KLF11: variants seen among roughly 807,000 people sequenced by gnomAD.
KLF11 encodes the protein Krueppel-like factor 11.
In KLF11, 26 loss-of-function variants were observed where a neutral mutation model predicts 29.9. That is an observed-to-expected ratio of 0.87 (90% CI 0.64 to 1.21). The LOEUF is 1.21. Among genes scored for constraint, KLF11 ranks in the 50% most tolerant of loss-of-function variants. The pLI, the probability that KLF11 is intolerant of heterozygous loss-of-function variation, is 0.00. For missense variants in KLF11, 778 were observed against 665.7 expected (o/e 1.17, Z -1.86); for synonymous variants, 318 against 257.4 (o/e 1.24, Z -2.25).
intron 1 of KLF11, among the ~76,000 whole-genome samples, chr2:10,044,900 C>G (rs1340664581): frequency 6.6e-6 from 1 of 152,176 alleles, no homozygotes; most frequent in African/African-American, 2.4e-5. Context: ...AATCCCAGCA[C>G]TCTGGGAGAC....
chr2:10,052,620 G>A lies in KLF11; in HGVS notation c.*113G>A, dbSNP rs2125283405. Reference sequence around the variant, plus strand: ...CAAAAAAAACGGTCTTGGCGGCCTAGGGGAAGATCGGGGAGCTGGTTTTGA... The same window carrying A: ...CAAAAAAAACGGTCTTGGCGGCCTAAGGGAAGATCGGGGAGCTGGTTTTGA... On this transcript the variant is annotated 3_prime_UTR_variant, in exon 4 of 4. Transcript: ENST00000305883. 9.8e-7 allele frequency: 1 copy of A among 1,015,316 alleles called. No homozygotes were observed. 62.9% of individuals were successfully genotyped at this position (1,015,316 alleles called of 1,614,324 possible).
Position 10,050,892 on chromosome 2 carries a change from CTTTTTTTTTT to C in KLF11, c.1259-1317_1259-1308del, listed in dbSNP as rs386389509. On this transcript the variant is annotated intron_variant, in intron 3 of 3. Coordinates refer to ENST00000305883, the MANE Select transcript of KLF11 (RefSeq NM_003597.5). ...GTAAGGTAGAGTGAATAGATGCTAC[CTTTTTTTTTT>C]TTTTTTTTTTTTTTTTTGAGATGGA... is the stretch of plus-strand genomic sequence containing the variant. Among the ~76,000 whole-genome samples, 47 of 54,826 alleles carry C rather than the reference CTTTTTTTTTT, an allele frequency of 8.6e-4. 1 individual carries two copies. In the East Asian group the frequency reaches 0.012, roughly 14 times the overall value. 36.0% of individuals were successfully genotyped at this position (54,826 alleles called of 152,430 possible).
intron 3 of KLF11, among the ~76,000 whole-genome samples, chr2:10,049,383 C>T (rs1478741435): frequency 6.6e-6 from 1 of 152,266 alleles, no homozygotes; most frequent in Admixed American, 6.5e-5. Context: ...CACCATTTCT[C>T]AGGTGTTCTG....
intron 1 of KLF11, chr2:10,044,149 A>G: frequency 6.8e-6 from 1 of 147,934 alleles, no homozygotes; most frequent in Non-Finnish European, 8.1e-6. Flanking sequence ...GCTGGCGGGA[A>G]CGCGGCACGG....
At position 10,049,778 on chromosome 2, in the gene KLF11, A is replaced by G. The variant is rs149835654; in HGVS notation, c.1258+1183A>G. The stretch of plus-strand genomic sequence containing the variant: ...TTAGTTAGTTGTATATCTCACCTGG[A>G]TATATTCCTGGTGCTTGATAAAAGG... On this transcript the variant is annotated intron_variant, in intron 3 of 3. Coordinates refer to ENST00000305883, the MANE Select transcript of KLF11 (RefSeq NM_003597.5). 7.6e-3 allele frequency among the ~76,000 whole-genome samples: 1,151 copies of G among 152,166 alleles called. 13 individuals carry two copies. Among genetic ancestry groups the G allele is most frequent in the African/African-American group, 0.027 (1,106 of 41,504 alleles).
chr2:10,050,838 C>T (rs58843655), intron 3 of KLF11, among the ~76,000 whole-genome samples: 1 of 147,896 alleles, frequency 6.8e-6, no homozygotes, highest in African/African-American at 2.5e-5. Context: ...ATATATATTT[C>T]TGCCAACCTG....
Position 10,048,172 on chromosome 2 carries a change from T to C in KLF11, c.835T>C (p.Ser279Pro), listed in dbSNP as rs1333165835. The change falls in exon 3 of 4, where the codon TCT becomes CCT. Residue 279 changes from serine to proline, a missense_variant. Coordinates refer to ENST00000305883, the MANE Select transcript of KLF11 (RefSeq NM_003597.5). The stretch of plus-strand genomic sequence containing the variant: ...GAAAACCACCCCTCTGATTTCTGTC[T>C]CTGTCCCTGCTCCCCCTGTCCTTTG... The part of the protein sequence containing the change: ...PRKTTPLISV[S>P]VPAPPVLCQM... The C allele has an allele frequency of 6.2e-7, 1 of 1,614,212 alleles. No homozygotes were observed. Among genetic ancestry groups the C allele is most frequent in the South Asian group, 1.1e-5 (1 of 91,084 alleles).
At chr2:10,044,657 T>TC in intron 1 of KLF11, among the ~76,000 whole-genome samples, 1 of 151,226 alleles carries the variant, frequency 6.6e-6, no homozygotes, top group South Asian at 2.1e-4. Flanking sequence ...TCCTTTTTTT[T>TC]TTTTTTGATA....
At chr2:10,051,097 A>G (rs1452791113) in intron 3 of KLF11, among the ~76,000 whole-genome samples, 1 of 150,800 alleles carries the variant, frequency 6.6e-6, no homozygotes, top group African/African-American at 2.4e-5. Context: ...TTTAGTAGAT[A>G]CGGGGTTTCA....
At chr2:10,051,321 G>A (rs1394565994) in intron 3 of KLF11, among the ~76,000 whole-genome samples, 1 of 152,064 alleles carries the variant, frequency 6.6e-6, no homozygotes, top group Non-Finnish European at 1.5e-5. Flanking sequence ...CGATTGTCCT[G>A]CCTCAGTCTC....
chr2:10,044,032 C>A (rs1661092102), intron 1 of KLF11: 1 of 717,808 alleles, frequency 1.4e-6, no homozygotes, highest in African/African-American at 1.9e-5. Flanking sequence ...GGCCCCGCGG[C>A]TATTTCCAGC....
At chr2:10,045,136 A>G (rs564580955) in intron 1 of KLF11, among the ~76,000 whole-genome samples, 4 of 141,180 alleles carry the variant, frequency 2.8e-5, no homozygotes, top group Non-Finnish European at 4.7e-5. Context: ...ACAGAGCAAG[A>G]CTCTGTCTCA....
chr2:10,051,750 T>C (rs1385325199), intron 3 of KLF11, among the ~76,000 whole-genome samples: 10 of 138,790 alleles, frequency 7.2e-5, no homozygotes, highest in South Asian at 4.6e-4. Context: ...GTCTTCTGAC[T>C]TTGTGATCCG....
rs1661094369 is a variant in KLF11 at position 10,044,062 on chromosome 2, T to G, written c.42+304T>G. On this transcript the variant is annotated intron_variant, in intron 1 of 3. Coordinates refer to ENST00000305883, the MANE Select transcript of KLF11 (RefSeq NM_003597.5). ...TCCAGCCATGACGTCACCCCGGTCCTGTGAGCCGGACGGCCGTTGGGCGGG... is the reference window on the plus strand; with the variant it reads ...TCCAGCCATGACGTCACCCCGGTCCGGTGAGCCGGACGGCCGTTGGGCGGG... The G allele has an allele frequency of 8.6e-6, 6 of 700,154 alleles. No individual in the cohort carries two copies. The South Asian group carries it at 2.5e-4, about 29-fold the overall frequency. 43.4% of individuals were successfully genotyped at this position (700,154 alleles called of 1,614,324 possible). A position where few individuals can be genotyped will look rare whatever the true frequency, so the allele number is the denominator to read the frequency against.
Position 10,053,084 on chromosome 2 carries a change from T to C in KLF11, c.*577T>C. 2.5e-6 allele frequency: 1 copy of C among 396,388 alleles called. No homozygotes were observed. Among genetic ancestry groups the C allele is most frequent in the Non-Finnish European group, 4.4e-6 (1 of 225,248 alleles). 24.6% of individuals were successfully genotyped at this position (396,388 alleles called of 1,614,324 possible). ...AATCGGACCTGGTTGAGTAAGGACC[T>C]CTTAAAAGGGAAAAATAAATTTTGC... On this transcript the variant is annotated 3_prime_UTR_variant, in exon 4 of 4. Transcript: ENST00000305883.
intron 1 of KLF11, 124 bp from the exon 2 acceptor site, chr2:10,046,026 A>G (rs1342895954): frequency 2.5e-5 from 28 of 1,102,260 alleles, no homozygotes; most frequent in African/African-American, 7.7e-5. Flanking sequence ...GTTTGTTGCT[A>G]TAGACTATTG....
chr2:10,043,805 G>T, intron 1 of KLF11, 47 bp downstream of exon 1: 1 of 1,338,980 alleles, frequency 7.5e-7, no homozygotes, highest in Non-Finnish European at 9.8e-7. Context: ...TGAGCGAGGG[G>T]CGAGGCGGGG....
At chr2:10,045,150 AAAC>A (rs908198811) in intron 1 of KLF11, among the ~76,000 whole-genome samples, 2 of 151,046 alleles carry the variant, frequency 1.3e-5, no homozygotes, top group Non-Finnish European at 2.9e-5. Flanking sequence ...TGTCTCAAAA[AAAC>A]AAGGCCGGGC....
At position 10,053,873 on chromosome 2, in the gene KLF11, A is replaced by G. The variant is rs1269709386; in HGVS notation, c.*1366A>G. The G allele has an allele frequency of 1.3e-5, 2 of 154,812 alleles. No homozygotes were observed. Among genetic ancestry groups the G allele is most frequent in the Non-Finnish European group, 2.9e-5 (2 of 69,704 alleles). 9.6% of individuals were successfully genotyped at this position (154,812 alleles called of 1,614,324 possible). On this transcript the variant is annotated 3_prime_UTR_variant, in exon 4 of 4. Coordinates refer to ENST00000305883, the MANE Select transcript of KLF11 (RefSeq NM_003597.5). ...AATGTAGGAACATACAGAATGTTGCACTAATTTGGTAGCCTGGGAATTTTT... is the reference window on the plus strand; with the variant it reads ...AATGTAGGAACATACAGAATGTTGCGCTAATTTGGTAGCCTGGGAATTTTT...
Sources: allele counts gnomAD v4.1 joint callset (sites outside exome capture counted in the v4.1 genomes callset), GRCh38; gene constraint gnomAD v4.1.1; transcripts MANE v1.5; gene names NCBI Gene and HGNC (gene_info 2026-07-23, HGNC 2026-07-21).